Variants in SYT17 observed in about 807,000 individuals in gnomAD.
SYT17 encodes the protein synaptotagmin 17, also known as synaptotagmin-17.
SYT17 carries 22 observed loss-of-function variants against 46.7 expected under a neutral mutation model. That is an observed-to-expected ratio of 0.47 (90% CI 0.34 to 0.67). The LOEUF is 0.67. SYT17 is among the 30% of genes least tolerant of loss of function. The probability of loss-of-function intolerance (pLI) is 0.01; values close to 1 mark genes in which losing one functional copy is unlikely to be tolerated. For synonymous variants in SYT17, 251 were observed against 248.4 expected, an observed-to-expected ratio of 1.01 and a Z score of -0.10; for missense variants, 519 against 612.8, an observed-to-expected ratio of 0.85 and a Z score of 1.62.
At chr16:19,219,838 G>GT (rs1313664910) in intron 5 of SYT17, among the ~76,000 whole-genome samples, 1 of 152,134 alleles carries the variant, frequency 6.6e-6, no homozygotes, top group Non-Finnish European at 1.5e-5. Flanking sequence ...ATAGTAAACT[G>GT]TTTTTTGTTC....
rs115587501 is a variant in SYT17 at position 19,250,139 on chromosome 16, A to T, written c.1229-16741A>T. ...CTTTGGTTTAACATTTTATTTAAAA[A>T]TTTTTTAACATATTGAAAGAATTGT... is the stretch of plus-strand genomic sequence containing the variant. On this transcript the variant is annotated intron_variant, in intron 7 of 7. Transcript: ENST00000355377. The T allele has an allele frequency of 5.3e-4, 744 of 1,414,538 alleles. 4 individuals carry two copies. In the African/African-American group the frequency reaches 7.8e-3, roughly 15 times the overall value. 87.6% of individuals were successfully genotyped at this position (1,414,538 alleles called of 1,614,324 possible). A position where few individuals can be genotyped will look rare whatever the true frequency, so the allele number is the denominator to read the frequency against.
chr16:19,252,406 TATATATATAC>T (rs1567234488), intron 7 of SYT17, among the ~76,000 whole-genome samples: 2 of 22,820 alleles, frequency 8.8e-5, no homozygotes, highest in Admixed American at 5.9e-4. Flanking sequence ...TATATATACA[TATATATATAC>T]ATATATATAT....
Position 19,180,489 on chromosome 16 carries a change from C to T in SYT17, c.281C>T (p.Ser94Leu), listed in dbSNP as rs758181389. 7.4e-6 allele frequency: 12 copies of T among 1,614,062 alleles called. No individual in the cohort carries two copies. Among genetic ancestry groups the T allele is most frequent in the Non-Finnish European group, 8.5e-6 (10 of 1,180,034 alleles). The change falls in exon 4 of 8, where the codon TCG (serine) becomes TTG (leucine). Residue 94 changes from serine (S) to leucine (L), a missense_variant. By Grantham distance (145) the Ser-to-Leu change is moderately radical. Coordinates refer to ENST00000355377, the MANE Select transcript of SYT17 (RefSeq NM_016524.4). ...PRTNSPDGRRSSSDTSKSTYS... is the reference protein window; with the variant it reads ...PRTNSPDGRRLSSDTSKSTYS... The stretch of plus-strand genomic sequence containing the variant: ...ACCAATTCCCCGGATGGAAGACGCT[C>T]GTCCTCAGACACATCCAAGTCTACA...
chr16:19,259,020 GAT>G (rs1031354280), intron 7 of SYT17, among the ~76,000 whole-genome samples: 1 of 152,162 alleles, frequency 6.6e-6, no homozygotes, highest in African/African-American at 2.4e-5. Context: ...GGTGGAAATA[GAT>G]ATGTTGATAA....
chr16:19,244,275 A>G (rs975266736), intron 7 of SYT17, among the ~76,000 whole-genome samples: 4 of 152,214 alleles, frequency 2.6e-5, no homozygotes, highest in African/African-American at 9.6e-5. Flanking sequence ...GCTAGCTGCT[A>G]TAACAAATCA....
intron 7 of SYT17, chr16:19,250,145 T>G (rs1967936644): frequency 2.1e-6 from 3 of 1,408,266 alleles, no homozygotes. Context: ...AAAAATTTTT[T>G]AACATATTGA....
intron 5 of SYT17, among the ~76,000 whole-genome samples, chr16:19,187,420 C>T (rs1199951074): frequency 6.6e-6 from 1 of 152,146 alleles, no homozygotes; most frequent in Non-Finnish European, 1.5e-5. Context: ...TACCATCTCT[C>T]AGTAATTCCA....
intron 5 of SYT17, among the ~76,000 whole-genome samples, chr16:19,205,678 C>T (rs907809048): frequency 2.0e-5 from 3 of 152,320 alleles, no homozygotes; most frequent in Admixed American, 6.5e-5. Context: ...GGCAGCGTTT[C>T]ACCATGTTGA....
chr16:19,201,820 T>G (rs182919113), intron 5 of SYT17, among the ~76,000 whole-genome samples: 133 of 152,268 alleles, frequency 8.7e-4, no homozygotes, highest in African/African-American at 2.7e-3. Flanking sequence ...CAACAGATAC[T>G]TACTGAGCAC....
At chr16:19,195,632 A>G (rs1965208836) in intron 5 of SYT17, among the ~76,000 whole-genome samples, 1 of 152,152 alleles carries the variant, frequency 6.6e-6, no homozygotes, top group African/African-American at 2.4e-5. Flanking sequence ...AAGCAGGAGA[A>G]TCGCTTGAAC....
chr16:19,203,510 T>C (rs1164189797), intron 5 of SYT17, among the ~76,000 whole-genome samples: 7 of 152,202 alleles, frequency 4.6e-5, no homozygotes, highest in Admixed American at 1.3e-4. Flanking sequence ...ACAGAAGTGA[T>C]TGGTCAATGT....
intron 5 of SYT17, among the ~76,000 whole-genome samples, chr16:19,220,426 G>A (rs934294158): frequency 1.3e-5 from 2 of 149,354 alleles, no homozygotes; most frequent in African/African-American, 4.9e-5. Context: ...AGCCTCCCAA[G>A]TAGCTGGGAT....
intron 3 of SYT17, 139 bp from the exon 4 acceptor site, chr16:19,180,252 A>C: frequency 1.2e-6 from 1 of 840,040 alleles, no homozygotes; most frequent in Admixed American, 2.3e-5. Context: ...AGGACACCAC[A>C]CTGTCAAATT....
chr16:19,224,545 A>G (rs771624216), intron 6 of SYT17, 138 bp from the exon 7 acceptor site: 7 of 909,344 alleles, frequency 7.7e-6, no homozygotes, highest in Non-Finnish European at 1.0e-5. Context: ...TATGAGATGA[A>G]TGAAAAGTTG....
At chr16:19,180,596 C>T (rs1050598555) in intron 4 of SYT17, 57 bp downstream of exon 4, 1 of 1,603,904 alleles carries the variant, frequency 6.2e-7, no homozygotes, top group Admixed American at 1.7e-5. Context: ...CAGACACTCT[C>T]CCACGGAGAG....
intron 5 of SYT17, among the ~76,000 whole-genome samples, chr16:19,191,226 G>A (rs1965007043): frequency 6.6e-6 from 1 of 151,866 alleles, no homozygotes; most frequent in African/African-American, 2.4e-5. Context: ...TTAATGATAT[G>A]CCGAAATGTG....
rs561454790 is a variant in SYT17, at chr16:19,172,178, C to G, written c.16-582C>G. Reference sequence around the variant, plus strand: ...ATGGGGAGGCGGGGTGGGGCCACAACAGGAAGGGAGGACCTCCTTCCTCAA... The same window carrying G: ...ATGGGGAGGCGGGGTGGGGCCACAAGAGGAAGGGAGGACCTCCTTCCTCAA... On this transcript the variant is annotated intron_variant, in intron 1 of 7. Transcript: ENST00000355377. 3 of 256,866 alleles carry G rather than the reference C, an allele frequency of 1.2e-5. No individual in the cohort carries two copies. In the Admixed American group the frequency reaches 1.6e-4, roughly 14 times the overall value. 15.9% of individuals were successfully genotyped at this position (256,866 alleles called of 1,614,324 possible).
At chr16:19,241,097 G>A (rs376017389) in intron 7 of SYT17, among the ~76,000 whole-genome samples, 42 of 151,328 alleles carry the variant, frequency 2.8e-4, no homozygotes, top group African/African-American at 9.5e-4. Flanking sequence ...ACAGGCGCCC[G>A]CCACTACGCC....
chr16:19,218,325 A>G (rs928134179), intron 5 of SYT17, among the ~76,000 whole-genome samples: 8 of 152,110 alleles, frequency 5.3e-5, no homozygotes, highest in African/African-American at 1.9e-4. Flanking sequence ...TGCTCCCCTG[A>G]CTCCAGACAA....
Sources: gnomAD v4.1 joint callset for allele counts (sites outside exome capture counted in the v4.1 genomes callset) on GRCh38, gnomAD v4.1.1 for gene constraint, MANE v1.5 for transcripts, NCBI Gene and HGNC (gene_info 2026-07-23, HGNC 2026-07-21) for gene names.